The following PTPRE variants were observed in gnomAD, a reference collection of about 807,000 sequenced individuals.
PTPRE encodes the protein protein tyrosine phosphatase receptor type E, also known as receptor-type tyrosine-protein phosphatase epsilon.
In PTPRE, 51 loss-of-function variants were observed where a neutral mutation model predicts 102.0. That is an observed-to-expected ratio of 0.50 (90% CI 0.40 to 0.63). The LOEUF is 0.63. Among genes scored for constraint, PTPRE ranks in the 30% least tolerant of loss-of-function variants. The pLI is 0.00. For missense variants in PTPRE, 752 were observed against 915.1 expected (o/e 0.82, Z 2.30); for synonymous variants, 345 against 348.2 (o/e 0.99, Z 0.10).
chr10:127,974,743 A>G (rs1467216413), intron 1 of PTPRE, among the ~76,000 whole-genome samples: 3 of 152,216 alleles, frequency 2.0e-5, no homozygotes, highest in African/African-American at 7.2e-5. Flanking sequence ...TTTCTGGTAC[A>G]TGCACAGAAC....
chr10:127,930,246 A>C (rs556796437), intron 1 of PTPRE, among the ~76,000 whole-genome samples: 8 of 150,076 alleles, frequency 5.3e-5, no homozygotes, highest in Admixed American at 1.3e-4. Flanking sequence ...CCTGCCCCCG[A>C]AAAAAAAAAT....
chr10:128,079,500 T>G, intron 19 of PTPRE, 60 bp from the exon 20 acceptor site: 2 of 1,586,584 alleles, frequency 1.3e-6, no homozygotes, highest in South Asian at 2.3e-5. Flanking sequence ...CTGTCAGCTC[T>G]CCATTTCTCA....
At chr10:127,925,863 C>A (rs202200336) in intron 1 of PTPRE, among the ~76,000 whole-genome samples, 3 of 152,254 alleles carry the variant, frequency 2.0e-5, no homozygotes, top group Non-Finnish European at 2.9e-5. Context: ...GTAAAGGGCA[C>A]CTCACCAGCC....
At chr10:128,066,931 CATGCACACAT>C (rs1002788962) in intron 11 of PTPRE, among the ~76,000 whole-genome samples, 3 of 151,552 alleles carry the variant, frequency 2.0e-5, no homozygotes, top group African/African-American at 4.9e-5. Flanking sequence ...CAGGCACACA[CATGCACACAT>C]GCACATACAC....
rs370774168 is a variant in PTPRE at position 128,070,912 on chromosome 10, C to A, written c.1387+11C>A. 1.2e-6 allele frequency: 2 copies of A among 1,610,700 alleles called. No homozygotes were observed. Among genetic ancestry groups the A allele is most frequent in the African/African-American group, 1.3e-5 (1 of 74,966 alleles). On this transcript the variant is annotated intron_variant, in intron 15 of 20. Coordinates refer to ENST00000254667, the MANE Select transcript of PTPRE (RefSeq NM_006504.6). This position sits in a 1 kb window ranked among gnomAD's most constrained non-coding sequence, Gnocchi z 4.8. ...TCCAGATCATCCCGTGTAAGGCACC[C>A]GTGGCGTGGCTTGGGCAGGGCTGGG... is the stretch of plus-strand genomic sequence containing the variant.
chr10:128,058,040 G>T (rs572993372), intron 7 of PTPRE, among the ~76,000 whole-genome samples: 1 of 152,176 alleles, frequency 6.6e-6, no homozygotes, highest in Non-Finnish European at 1.5e-5. Flanking sequence ...TTAAGAAACC[G>T]CTCAGTGCTA....
intron 3 of PTPRE, among the ~76,000 whole-genome samples, chr10:128,045,944 G>A (rs1187695737): frequency 3.3e-5 from 5 of 152,178 alleles, no homozygotes; most frequent in Non-Finnish European, 7.4e-5. Context: ...GGGGAGGCAC[G>A]GACCCCACCT....
At chr10:127,951,209 G>A (rs1289777474) in intron 1 of PTPRE, among the ~76,000 whole-genome samples, 1 of 152,188 alleles carries the variant, frequency 6.6e-6, no homozygotes, top group Non-Finnish European at 1.5e-5. Flanking sequence ...AAAACTGAGA[G>A]TCGTGGCTCC....
rs968410472 is a variant in PTPRE, at chr10:128,084,288, C to T, written c.*1382C>T. On this transcript the variant is annotated 3_prime_UTR_variant, in exon 21 of 21. Transcript: ENST00000254667. ...ACCTTACTACTAAAAGCATTTAACA[C>T]GTGCATTTTTGGTACTTTTTTTTTT... is the stretch of plus-strand genomic sequence containing the variant. 1.4e-5 allele frequency: 2 copies of T among 138,810 alleles called. No homozygotes were observed. Among genetic ancestry groups the T allele is most frequent in the Middle Eastern group, 3.7e-3 (1 of 270 alleles). 8.6% of individuals were successfully genotyped at this position (138,810 alleles called of 1,614,324 possible).
At chr10:127,911,879 A>AT (rs34136371) in intron 1 of PTPRE, among the ~76,000 whole-genome samples, 12,262 of 148,974 alleles carry the variant, frequency 0.082, 518 homozygotes, top group Non-Finnish European at 0.088. Context: ...TGTCACTAGG[A>AT]TTTTTTTTTT....
intron 1 of PTPRE, among the ~76,000 whole-genome samples, chr10:127,913,204 A>T (rs1353501311): frequency 6.6e-6 from 1 of 152,246 alleles, no homozygotes; most frequent in Non-Finnish European, 1.5e-5. Context: ...GCGGTCTCAC[A>T]CAAGGCAAGG....
intron 1 of PTPRE, among the ~76,000 whole-genome samples, chr10:127,928,158 C>T (rs1254203359): frequency 6.6e-6 from 1 of 152,200 alleles, no homozygotes; most frequent in African/African-American, 2.4e-5. Flanking sequence ...GTGGATGACT[C>T]ACAAACCTCC....
chr10:127,939,662 C>T (rs9783160), intron 1 of PTPRE, among the ~76,000 whole-genome samples: 1 of 152,026 alleles, frequency 6.6e-6, no homozygotes, highest in East Asian at 1.9e-4. Context: ...CCAAGGCTTC[C>T]GGGTAGGGCT....
chr10:128,040,812 G>A (rs1847623087), intron 2 of PTPRE, 63 bp from the exon 3 acceptor site: 5 of 1,302,418 alleles, frequency 3.8e-6, no homozygotes, highest in Admixed American at 1.8e-5. Flanking sequence ...ATCACTGCCT[G>A]GCACCGGAGG....
intron 10 of PTPRE, among the ~76,000 whole-genome samples, chr10:128,065,563 G>T (rs970952313): frequency 1.3e-5 from 2 of 152,230 alleles, no homozygotes; most frequent in African/African-American, 4.8e-5. Flanking sequence ...AGAGAAAAAT[G>T]AAGATCGTTA....
chr10:127,998,293 A>G (rs1853488609), intron 2 of PTPRE: 1 of 152,222 alleles, frequency 6.6e-6, no homozygotes, highest in Admixed American at 6.5e-5. Context: ...CACCAAAGAA[A>G]GCAAAGCAGC....
chr10:128,003,461 A>T (rs566150257), intron 2 of PTPRE, among the ~76,000 whole-genome samples: 1 of 152,308 alleles, frequency 6.6e-6, no homozygotes, highest in South Asian at 2.1e-4. Flanking sequence ...CTTACTTTGA[A>T]ACTATACTCT....
intron 1 of PTPRE, among the ~76,000 whole-genome samples, chr10:127,928,651 G>A (rs1156805744): frequency 1.3e-5 from 2 of 152,144 alleles, no homozygotes; most frequent in African/African-American, 2.4e-5. Context: ...CATCTACAAC[G>A]CTGATTGAGT....
At chr10:127,934,442 TG>T (rs1159928946) in intron 1 of PTPRE, 1 of 152,226 alleles carries the variant, frequency 6.6e-6, no homozygotes, top group Non-Finnish European at 1.5e-5. Flanking sequence ...CAAATTGAGC[TG>T]GGCTACCTCT....
Sources: gnomAD v4.1 joint callset for allele counts (sites outside exome capture counted in the v4.1 genomes callset) on GRCh38, gnomAD v4.1.1 for gene constraint, Gnocchi (gnomAD v3.1) non-coding constraint, MANE v1.5 for transcripts, NCBI Gene and HGNC (gene_info 2026-07-23, HGNC 2026-07-21) for gene names.